Variants in SPON1 observed in about 807,000 individuals in gnomAD.
The protein encoded by SPON1 is spondin-1.
In SPON1, 52 loss-of-function variants were observed where a neutral mutation model predicts 111.7. The observed-to-expected ratio is 0.47, with a 90% CI of 0.37 to 0.59. The LOEUF (loss-of-function observed/expected upper bound fraction) is 0.59. Among genes scored for constraint, SPON1 ranks in the 20% least tolerant of loss-of-function variants. SPON1 has a pLI of 0.00. For missense variants in SPON1, 957 were observed against 1,068.5 expected, an observed-to-expected ratio of 0.90 and a Z score of 1.46; for synonymous variants, 410 against 395.8, an observed-to-expected ratio of 1.04 and a Z score of -0.43.
chr11:14,208,787 T>G (rs934584721), intron 6 of SPON1, among the ~76,000 whole-genome samples: 2 of 152,208 alleles, frequency 1.3e-5, no homozygotes, highest in South Asian at 2.1e-4. Context: ...CATGTATAAA[T>G]AGGTGTATTT....
intron 6 of SPON1, among the ~76,000 whole-genome samples, chr11:14,206,225 G>T (rs191060742): frequency 6.6e-5 from 10 of 151,994 alleles, no homozygotes; most frequent in Non-Finnish European, 1.5e-4. Flanking sequence ...ACTGAGTCTT[G>T]CTCTGTCACC....
chr11:14,244,387 AC>A lies in SPON1; in HGVS notation c.890+992del, dbSNP rs1848964470. 3.9e-5 allele frequency among the ~76,000 whole-genome samples: 6 copies of A among 152,134 alleles called. No homozygotes were observed. In the South Asian group the frequency reaches 1.2e-3, roughly 32 times the overall value. On this transcript the variant is annotated intron_variant, in intron 7 of 15. Transcript: ENST00000576479. ...ACAAAAATTAGCTGGGTGTGGTGGC[AC>A]GTGTCTGTAATCCCAGCTATTTGGG...
At chr11:14,251,455 C>A (rs1849053244) in intron 7 of SPON1, among the ~76,000 whole-genome samples, 1 of 152,214 alleles carries the variant, frequency 6.6e-6, no homozygotes, top group Admixed American at 6.5e-5. Context: ...GATGGTTACA[C>A]CCATTGGCTG....
At chr11:14,022,746 A>T (rs187565864) in intron 2 of SPON1, among the ~76,000 whole-genome samples, 1 of 152,354 alleles carries the variant, frequency 6.6e-6, no homozygotes, top group Admixed American at 6.5e-5. Context: ...CAAGCAATGA[A>T]TTACTGAAAC....
chr11:14,198,959 G>A (rs1403739507), intron 6 of SPON1, among the ~76,000 whole-genome samples: 4 of 152,186 alleles, frequency 2.6e-5, no homozygotes, highest in East Asian at 1.9e-4. Context: ...GATAAATCTA[G>A]CTAAAATCAG....
chr11:14,201,062 C>G (rs533196283), intron 6 of SPON1, among the ~76,000 whole-genome samples: 2 of 152,090 alleles, frequency 1.3e-5, no homozygotes, highest in African/African-American at 4.8e-5. Flanking sequence ...AACTCCTGGC[C>G]AGGTGCGGTG....
intron 5 of SPON1, among the ~76,000 whole-genome samples, chr11:14,083,444 A>C (rs1478646199): frequency 2.0e-5 from 3 of 152,224 alleles, no homozygotes; most frequent in Non-Finnish European, 4.4e-5. Context: ...AGAACTCTGC[A>C]AATTGTTTTT....
intron 6 of SPON1, among the ~76,000 whole-genome samples, chr11:14,170,645 C>T (rs11511853): frequency 0.39 from 59,293 of 151,084 alleles, 11,860 homozygotes; most frequent in East Asian, 0.55. Flanking sequence ...TCATAGATAG[C>T]GCTTATTATT....
chr11:14,261,227 CCCGCTCCACTCCCAGT>C (rs1313301166), intron 14 of SPON1, among the ~76,000 whole-genome samples: 2 of 152,144 alleles, frequency 1.3e-5, no homozygotes, highest in Non-Finnish European at 1.5e-5. Flanking sequence ...CTCACCCCAC[CCCGCTCCACTCCCAGT>C]CCTGTTTTCC....
chr11:14,218,322 G>T (rs1253446932), intron 6 of SPON1, among the ~76,000 whole-genome samples: 1 of 152,108 alleles, frequency 6.6e-6, no homozygotes, highest in African/African-American at 2.4e-5. Context: ...AGCAGTTTAT[G>T]AAATACCTGG....
chr11:14,182,386 C>T (rs1481662165), intron 6 of SPON1, among the ~76,000 whole-genome samples: 2 of 152,174 alleles, frequency 1.3e-5, no homozygotes, highest in Middle Eastern at 3.2e-3. Flanking sequence ...AAATTCTAAC[C>T]TTGGCCCCTT....
At chr11:14,236,474 C>G (rs1183739217) in intron 6 of SPON1, among the ~76,000 whole-genome samples, 1 of 152,112 alleles carries the variant, frequency 6.6e-6, no homozygotes, top group African/African-American at 2.4e-5. Flanking sequence ...CACTTAGATA[C>G]CCAGATGAAA....
chr11:14,160,876 T>TA (rs1253732918), intron 6 of SPON1, among the ~76,000 whole-genome samples: 1 of 33,480 alleles, frequency 3.0e-5, no homozygotes, highest in Non-Finnish European at 5.1e-5. Flanking sequence ...TATTTTTATA[T>TA]TTTTATATAT....
chr11:14,058,050 G>A (rs1356768675), intron 3 of SPON1, among the ~76,000 whole-genome samples: 3 of 151,934 alleles, frequency 2.0e-5, no homozygotes, highest in Admixed American at 6.6e-5. Flanking sequence ...AAATCAGGGG[G>A]TGTTGGGGTG....
At chr11:14,240,778 A>T (rs1378583582) in intron 6 of SPON1, among the ~76,000 whole-genome samples, 2 of 152,182 alleles carry the variant, frequency 1.3e-5, no homozygotes. Flanking sequence ...TTTTCTAGTG[A>T]AATATTTCTT....
At position 14,265,868 on chromosome 11, in the gene SPON1, C is replaced by T. The variant is rs1189869303; in HGVS notation, c.*181C>T. ...CTGAATACTTCTTGATGGGTACAGG[C>T]TGAGTGGGGCGCCCTCACCTCCAGC... On this transcript the variant is annotated 3_prime_UTR_variant, in exon 16 of 16. Coordinates refer to ENST00000576479, the MANE Select transcript of SPON1 (RefSeq NM_006108.4). 1.5e-5 allele frequency: 10 copies of T among 661,586 alleles called. No homozygotes were observed. The highest frequency in any genetic ancestry group is 2.2e-5 in the Non-Finnish European group (9 of 409,916). 41.0% of individuals were successfully genotyped at this position (661,586 alleles called of 1,614,324 possible).
At chr11:14,103,307 G>A (rs1232928363) in intron 5 of SPON1, among the ~76,000 whole-genome samples, 4 of 152,208 alleles carry the variant, frequency 2.6e-5, no homozygotes, top group Admixed American at 6.5e-5. Context: ...ATGAAGAAGT[G>A]TATACCCAGT....
intron 2 of SPON1, among the ~76,000 whole-genome samples, chr11:14,004,418 C>T (rs1848343593): frequency 6.6e-6 from 1 of 152,062 alleles, no homozygotes; most frequent in Non-Finnish European, 1.5e-5. Flanking sequence ...ATACCATTTT[C>T]CACCATGGCT....
At chr11:14,117,963 G>A (rs1368626101) in intron 5 of SPON1, among the ~76,000 whole-genome samples, 1 of 152,122 alleles carries the variant, frequency 6.6e-6, no homozygotes, top group Non-Finnish European at 1.5e-5. Context: ...CAGGTGCTCA[G>A]TAATTCCCAT....
Sources: gnomAD v4.1 joint callset for allele counts (sites outside exome capture counted in the v4.1 genomes callset) on GRCh38, gnomAD v4.1.1 for gene constraint, MANE v1.5 for transcripts, NCBI Gene and HGNC (gene_info 2026-07-23, HGNC 2026-07-21) for gene names.